Variants in NKPD1 observed in about 807,000 individuals in gnomAD.
NKPD1 encodes NTPase KAP family P-loop domain containing 1.
A neutral mutation model predicts 42.2 loss-of-function variants in NKPD1; 37 were observed. The ratio of observed to expected loss-of-function variants is 0.88; its 90% confidence interval spans 0.67 to 1.15. NKPD1 has a LOEUF of 1.15. Ranked by LOEUF, NKPD1 falls within the 50% of genes most tolerant of loss-of-function variation. The pLI is 0.00. For synonymous variants in NKPD1, 552 were observed against 536.5 expected, an observed-to-expected ratio of 1.03 and a Z score of -0.40; for missense variants, 1,113 against 1,174.6, an observed-to-expected ratio of 0.95 and a Z score of 0.77.
In NKPD1 at chr19:45,153,107, G is replaced by A; in HGVS notation, c.1330C>T (p.Leu444=). The A allele has an allele frequency of 6.4e-7, 1 of 1,574,720 alleles. No homozygotes were observed. The highest frequency in any genetic ancestry group is 8.6e-7 in the Non-Finnish European group (1 of 1,160,802). ...AGCCTGCGCCGCTGGTAGATCTCCA[G>A]GAAGCACAGGAAGTCGGTGAGCAGC... ...VELLTDFLCF[L]EIYQRRRLRV... Residue 444 remains leucine (L), a synonymous_variant, in exon 5 of 5, where the codon CTG becomes TTG. Transcript: ENST00000686631.
chr19:45,152,525 G>C lies in NKPD1; in HGVS notation c.1912C>G (p.Gln638Glu). ...TVPITVRLLQ[Q>E]QQQQGDFGGP... ...CCAAAGTCCCCCTGCTGCTGCTGCTGCTGCAGCAGGCGCACGGTGATGGGC... is the reference window on the plus strand; with the variant it reads ...CCAAAGTCCCCCTGCTGCTGCTGCTCCTGCAGCAGGCGCACGGTGATGGGC... The change falls in exon 5 of 5, where the codon CAG (glutamine) becomes GAG (glutamate). Residue 638 changes from glutamine to glutamate, a missense_variant. By Grantham distance (29) the Gln-to-Glu change is conservative. Around this residue, in one of 3 missense-constraint regions of NKPD1, gnomAD observed 867 missense variants for 870.1 expected, o/e 1.00. Coordinates refer to ENST00000686631, the MANE Select transcript of NKPD1 (RefSeq NM_198478.4). 1 of 1,575,138 alleles carries C rather than the reference G, an allele frequency of 6.3e-7. No individual in the cohort carries two copies. The highest frequency in any genetic ancestry group is 2.3e-5 in the East Asian group (1 of 42,816).
intron 1 of NKPD1, among the ~76,000 whole-genome samples, 142 bp from the exon 2 acceptor site, chr19:45,160,363 G>A (rs1234184521): frequency 6.6e-6 from 1 of 152,190 alleles, no homozygotes; most frequent in Non-Finnish European, 1.5e-5. Flanking sequence ...GGTACAGTGA[G>A]GGGCAGGATA....
Position 45,153,200 on chromosome 19 carries a change from G to A in NKPD1, c.1237C>T (p.Arg413Trp). The A allele has an allele frequency of 4.4e-6, 7 of 1,590,554 alleles. No individual in the cohort carries two copies. Among genetic ancestry groups the A allele is most frequent in the Non-Finnish European group, 6.0e-6 (7 of 1,169,172 alleles). ...LFVSQRKKIE[R>W]LVSREKFGSQ... ...CCGAACTTTTCACGCGACACCAGCCGCTCGATCTTCTTGCGCTGGCTTACG... is the reference window on the plus strand; with the variant it reads ...CCGAACTTTTCACGCGACACCAGCCACTCGATCTTCTTGCGCTGGCTTACG... Residue 413 changes from arginine (R) to tryptophan (W), a missense_variant, in exon 5 of 5, where the codon CGG (arginine) becomes TGG (tryptophan). By Grantham distance (101) the Arg-to-Trp change is moderately radical. Transcript: ENST00000686631.
chr19:45,152,103 G>A lies in NKPD1; in HGVS notation c.2334C>T (p.His778=), dbSNP rs768131950. Reference sequence around the variant, plus strand: ...AGGCGCTGTTGGCCCGGTGGGCAGCGTGGGGGGTATCGCGGGTAGGGGACT... The same window carrying A: ...AGGCGCTGTTGGCCCGGTGGGCAGCATGGGGGGTATCGCGGGTAGGGGACT... ...PPKSPTRDTP[H]AAHRANSASR... is the part of the protein sequence containing the mutation. Residue 778 remains histidine (H), a synonymous_variant, in exon 5 of 5, where the codon CAC becomes CAT. Coordinates refer to ENST00000686631, the MANE Select transcript of NKPD1 (RefSeq NM_198478.4). 1.2e-6 allele frequency: 2 copies of A among 1,605,514 alleles called. No homozygotes were observed. Among genetic ancestry groups the A allele is most frequent in the Non-Finnish European group, 1.7e-6 (2 of 1,177,142 alleles).
At position 45,155,023 on chromosome 19, in the gene NKPD1, TAAA is replaced by T. The variant is rs11345601; in HGVS notation, c.661+759_661+761del. Among the ~76,000 whole-genome samples the T allele has an allele frequency of 9.3e-3, 1,042 of 112,558 alleles. 16 individuals carry two copies. The highest frequency in any genetic ancestry group is 0.031 in the African/African-American group (914 of 29,454). 73.8% of individuals were successfully genotyped at this position (112,558 alleles called of 152,430 possible). A position where few individuals can be genotyped will look rare whatever the true frequency, so the allele number is the denominator to read the frequency against. The stretch of plus-strand genomic sequence containing the variant: ...CTGGGCGACAGAGTGAGACTCCATT[TAAA>T]AAAAAAAAAAAAAAAAAGGCCAGGT... On this transcript the variant is annotated intron_variant, in intron 4 of 4. Coordinates refer to ENST00000686631, the MANE Select transcript of NKPD1 (RefSeq NM_198478.4).
rs1199581016 is a variant in NKPD1 at position 45,160,180 on chromosome 19, T to C, written c.-30A>G. ...GCCGGGCAGCTGGGTGCTGGGGGCCTGCTCCTGAGGCAGGAGGGAGCACAC... is the reference window on the plus strand; with the variant it reads ...GCCGGGCAGCTGGGTGCTGGGGGCCCGCTCCTGAGGCAGGAGGGAGCACAC... On this transcript the variant is annotated 5_prime_UTR_variant, in exon 2 of 5. Transcript: ENST00000686631. The C allele has an allele frequency of 2.4e-6, 3 of 1,266,424 alleles. No homozygotes were observed. The East Asian group carries it at 1.7e-4, about 71-fold the overall frequency. 78.4% of individuals were successfully genotyped at this position (1,266,424 alleles called of 1,614,324 possible). A position where few individuals can be genotyped will look rare whatever the true frequency, so the allele number is the denominator to read the frequency against.
In NKPD1 at chr19:45,158,744, G is replaced by C; in HGVS notation, c.448C>G (p.Leu150Val). ...TCAGTGGGCTCGCTGGGCTTCAGGAGGACGCCAGCCGCGGAGGGTAGAGCT... is the reference window on the plus strand; with the variant it reads ...TCAGTGGGCTCGCTGGGCTTCAGGACGACGCCAGCCGCGGAGGGTAGAGCT... ...GPALPSAAGVLLKPSEPTDAR... is the reference protein window; with the variant it reads ...GPALPSAAGVVLKPSEPTDAR... Residue 150 changes from leucine to valine, a missense_variant, in exon 3 of 5, where the codon CTC becomes GTC. Physicochemically the swap from Leu to Val is conservative, Grantham distance 32. Around this residue, in one of 3 missense-constraint regions of NKPD1, gnomAD observed 204 missense variants for 227.8 expected, o/e 0.90. Coordinates refer to ENST00000686631, the MANE Select transcript of NKPD1 (RefSeq NM_198478.4). The surrounding 1 kb of genome is among the most constrained non-coding windows in gnomAD (Gnocchi z 4.6). 1.7e-6 allele frequency: 2 copies of C among 1,211,206 alleles called. No individual in the cohort carries two copies. Among genetic ancestry groups the C allele is most frequent in the Non-Finnish European group, 2.1e-6 (2 of 946,678 alleles). The allele number at this position is 1,211,206 out of a possible 1,614,324, so 75.0% of individuals were successfully genotyped here. A position where few individuals can be genotyped will look rare whatever the true frequency, so the allele number is the denominator to read the frequency against.
Position 45,153,626 on chromosome 19 carries a change from G to C in NKPD1, c.811C>G (p.Arg271Gly). The C allele has an allele frequency of 6.3e-7, 1 of 1,582,156 alleles. No homozygotes were observed. The highest frequency in any genetic ancestry group is 8.6e-7 in the Non-Finnish European group (1 of 1,163,248). Reference sequence around the variant, plus strand: ...ATGAAAAGGAACTGCACGTTCCTGCGCCGCAGGTGCACCTCGGTGATGATG... The same window carrying C: ...ATGAAAAGGAACTGCACGTTCCTGCCCCGCAGGTGCACCTCGGTGATGATG... Reference protein sequence around the residue: ...QPIITEVHLRRRNVQFLFIRF... With the variant: ...QPIITEVHLRGRNVQFLFIRF... Residue 271 changes from arginine (R) to glycine (G), a missense_variant, in exon 5 of 5, where the codon CGC (arginine) becomes GGC (glycine). Transcript: ENST00000686631.
Position 45,153,555 on chromosome 19 carries a change from G to T in NKPD1, c.882C>A (p.Ala294=), listed in dbSNP as rs1313914367. 10 of 1,551,524 alleles carry T rather than the reference G, an allele frequency of 6.4e-6. 1 individual carries two copies. In the African/African-American group the frequency reaches 1.2e-4, roughly 19 times the overall value. ...CCTCGCACAACGTGGTCACCAGGCC[G>T]GCCCACAGCTTGTCGGTGCCCGCGT... ...WQYAGTDKLW[A]GLVTTLCEGI... The change falls in exon 5 of 5, where the codon GCC becomes GCA. Residue 294 remains alanine, a synonymous_variant. Transcript: ENST00000686631.
chr19:45,153,987 C>T, intron 4 of NKPD1: 2 of 462,882 alleles, frequency 4.3e-6, no homozygotes, highest in Non-Finnish European at 7.3e-6. Flanking sequence ...GGACCGGAAG[C>T]GGTCTGAAGG....
rs949980849 is a variant in NKPD1, at chr19:45,159,115, G to A, written c.92-15C>T. On this transcript the variant is annotated splice_polypyrimidine_tract_variant and intron_variant, in intron 2 of 4. Transcript: ENST00000686631. ...ATGACAGCATCCTGGAAGGAAGGAA[G>A]TGGGGGTGACTGGGCCTGTGTCCCC... 5 of 1,270,128 alleles carry A rather than the reference G, an allele frequency of 3.9e-6. No individual in the cohort carries two copies. The highest frequency in any genetic ancestry group is 4.1e-6 in the Non-Finnish European group (4 of 980,754). The allele number at this position is 1,270,128 out of a possible 1,614,324, so 78.7% of individuals were successfully genotyped here.
In NKPD1 at chr19:45,152,509, C is replaced by G; in HGVS notation, c.1928G>C (p.Gly643Ala). The G allele has an allele frequency of 6.4e-7, 1 of 1,568,664 alleles. No homozygotes were observed. Among genetic ancestry groups the G allele is most frequent in the Non-Finnish European group, 8.6e-7 (1 of 1,166,584 alleles). Residue 643 changes from glycine (G) to alanine (A), a missense_variant, in exon 5 of 5, where the codon GGG becomes GCG. Coordinates refer to ENST00000686631, the MANE Select transcript of NKPD1 (RefSeq NM_198478.4). ...GCGCGGCGTGGGGCCCCCAAAGTCC[C>G]CCTGCTGCTGCTGCTGCTGCAGCAG... is the stretch of plus-strand genomic sequence containing the variant. ...VRLLQQQQQQGDFGGPTPRQA... is the reference protein window; with the variant it reads ...VRLLQQQQQQADFGGPTPRQA...
rs987649009 is a variant in NKPD1 at position 45,158,846 on chromosome 19, C to T, written c.346G>A (p.Val116Ile). The change falls in exon 3 of 5, where the codon GTC (valine) becomes ATC (isoleucine). Residue 116 changes from valine (V) to isoleucine (I), a missense_variant. Val to Ile is a conservative substitution (Grantham distance 29, BLOSUM62 3). Around this residue, in one of 3 missense-constraint regions of NKPD1, gnomAD observed 204 missense variants for 227.8 expected, o/e 0.90. Transcript: ENST00000686631. This position sits in a 1 kb window ranked among gnomAD's most constrained non-coding sequence, Gnocchi z 4.6. The part of the protein sequence containing the change: ...AQKGLPATST[V>I]PKEPASAPQA... ...GGGGCGCTGGCAGGTTCCTTGGGGA[C>T]AGTGGAGGTTGCAGGCAGCCCCTTC... 47 of 1,282,356 alleles carry T rather than the reference C, an allele frequency of 3.7e-5. No individual in the cohort carries two copies. The highest frequency in any genetic ancestry group is 7.6e-5 in the Admixed American group (3 of 39,456). The allele number at this position is 1,282,356 out of a possible 1,614,324, so 79.4% of individuals were successfully genotyped here.
Position 45,152,984 on chromosome 19 carries a change from C to G in NKPD1, c.1453G>C (p.Ala485Pro). The G allele has an allele frequency of 6.3e-7, 1 of 1,584,922 alleles. No individual in the cohort carries two copies. Among genetic ancestry groups the G allele is most frequent in the Non-Finnish European group, 8.6e-7 (1 of 1,164,786 alleles). ...AINTLLSDSHAPFIFILVVDP... is the reference protein window; with the variant it reads ...AINTLLSDSHPPFIFILVVDP... ...ACGACCAGGATGAAGATGAAGGGCG[C>G]GTGGCTGTCGGACAGCAGCGTGTTG... The change falls in exon 5 of 5, where the codon GCG (alanine) becomes CCG (proline). Residue 485 changes from alanine to proline, a missense_variant. Physicochemically the swap from Ala to Pro is conservative, Grantham distance 27 (BLOSUM62 -1). Transcript: ENST00000686631.
At position 45,153,303 on chromosome 19, in the gene NKPD1, C is replaced by A. The variant is rs766235295; in HGVS notation, c.1134G>T (p.Lys378Asn). The A allele has an allele frequency of 6.3e-7, 1 of 1,582,256 alleles. No homozygotes were observed. Among genetic ancestry groups the A allele is most frequent in the Non-Finnish European group, 8.6e-7 (1 of 1,165,266 alleles). The change falls in exon 5 of 5, where the codon AAG becomes AAT. Residue 378 changes from lysine (K) to asparagine (N), a missense_variant. By Grantham distance (94) the Lys-to-Asn change is moderately conservative. Around this residue, in one of 3 missense-constraint regions of NKPD1, gnomAD observed 867 missense variants for 870.1 expected, o/e 1.00. Transcript: ENST00000686631. ...GHGSPSGSLL[K>N]VFGGAATTLS... ...GTGTGGTGGCCGCGCCGCCAAACAC[C>A]TTGAGCAGGCTGCCGCTCGGGCTGC...
intron 3 of NKPD1, 58 bp from the exon 4 acceptor site, chr19:45,155,974 C>A: frequency 7.8e-7 from 1 of 1,274,734 alleles, no homozygotes; most frequent in Non-Finnish European, 1.0e-6. Context: ...CCACCCTCCT[C>A]CCATCTGCCC....
chr19:45,155,728 G>A lies in NKPD1; in HGVS notation c.661+57C>T, dbSNP rs546555732. On this transcript the variant is annotated intron_variant, in intron 4 of 4. Transcript: ENST00000686631. The stretch of plus-strand genomic sequence containing the variant: ...ATCTGGGGGAAGCCTGGAGCTGGGC[G>A]GGGACCAGAGGCCCTGTTTCTCATC... 4.0e-5 allele frequency: 51 copies of A among 1,263,572 alleles called. No homozygotes were observed. The East Asian group carries it at 9.2e-4, about 23-fold the overall frequency. 78.3% of individuals were successfully genotyped at this position (1,263,572 alleles called of 1,614,324 possible). A position where few individuals can be genotyped will look rare whatever the true frequency, so the allele number is the denominator to read the frequency against.
chr19:45,162,362 G>T (rs1397576685), upstream of NKPD1, among the ~76,000 whole-genome samples: 1 of 152,182 alleles, frequency 6.6e-6, no homozygotes, highest in East Asian at 1.9e-4. Flanking sequence ...TACAGGGGAG[G>T]TTCTTTAGCA....
chr19:45,160,208 G>T lies in NKPD1; in HGVS notation c.-58C>A, dbSNP rs1410723730. ...TCCTGAGGCAGGAGGGAGCACACAG[G>T]CTTGGCGTAGCCTCTGGGGCACGAA... On this transcript the variant is annotated 5_prime_UTR_variant, in exon 2 of 5. Transcript: ENST00000686631. 2.1e-5 allele frequency: 23 copies of T among 1,077,776 alleles called. No individual in the cohort carries two copies. Among genetic ancestry groups the T allele is most frequent in the Non-Finnish European group, 2.8e-5 (22 of 786,702 alleles). 66.8% of individuals were successfully genotyped at this position (1,077,776 alleles called of 1,614,324 possible). A position where few individuals can be genotyped will look rare whatever the true frequency, so the allele number is the denominator to read the frequency against.
Sources: gnomAD v4.1 joint callset for allele counts (sites outside exome capture counted in the v4.1 genomes callset) on GRCh38, gnomAD v4.1.1 for gene constraint, gnomAD v4.1.1 regional missense constraint, Gnocchi (gnomAD v3.1) non-coding constraint, MANE v1.5 for transcripts, NCBI Gene and HGNC (gene_info 2026-07-23, HGNC 2026-07-21) for gene names.